The following P2RY12 variants were observed in gnomAD, a reference collection of about 807,000 sequenced individuals.
P2RY12 encodes the protein P2Y purinoceptor 12.
A neutral mutation model predicts 4.5 loss-of-function variants in P2RY12; 3 were observed. That is an observed-to-expected ratio of 0.67 (90% CI 0.31 to 1.74). P2RY12 has a LOEUF of 1.74. Among genes scored for constraint, P2RY12 ranks in the 40% most tolerant of loss-of-function variants. The pLI, the probability that P2RY12 is intolerant of heterozygous loss-of-function variation, is 0.09. For synonymous variants in P2RY12, 148 were observed against 154.1 expected (o/e 0.96, Z 0.29); for missense variants, 356 against 407.8 (o/e 0.87, Z 1.09).
chr3:151,367,255 G>C (rs1755399447), intron 1 of P2RY12, among the ~76,000 whole-genome samples: 1 of 152,156 alleles, frequency 6.6e-6, no homozygotes, highest in African/African-American at 2.4e-5. Flanking sequence ...TTTTCAACTA[G>C]GGGGAGCCTC....
At chr3:151,351,753 C>T (rs1010475658) in intron 1 of P2RY12, among the ~76,000 whole-genome samples, 1 of 152,086 alleles carries the variant, frequency 6.6e-6, no homozygotes, top group Admixed American at 6.5e-5. Flanking sequence ...GAGGGTCTTT[C>T]CAGAGCCTAT....
intron 1 of P2RY12, chr3:151,360,714 T>C (rs1754502032): frequency 9.9e-7 from 1 of 1,013,062 alleles, no homozygotes; most frequent in African/African-American, 1.6e-5. Context: ...TGCAATTGTA[T>C]CTATTAGGCA....
intron 1 of P2RY12, among the ~76,000 whole-genome samples, chr3:151,364,572 G>A (rs1344858853): frequency 1.3e-5 from 2 of 152,122 alleles, no homozygotes; most frequent in South Asian, 2.1e-4. Flanking sequence ...TGTAAGATAT[G>A]TAATTAAGAG....
chr3:151,383,317 G>A (rs139876855), intron 1 of P2RY12, among the ~76,000 whole-genome samples: 473 of 152,292 alleles, frequency 3.1e-3, no homozygotes, highest in African/African-American at 0.011. Flanking sequence ...GTAGGTGTGC[G>A]GGCCAAGCCT....
chr3:151,382,344 T>C (rs775587755), intron 1 of P2RY12, among the ~76,000 whole-genome samples: 5 of 152,128 alleles, frequency 3.3e-5, no homozygotes, highest in African/African-American at 4.8e-5. Context: ...GTAAGATCAA[T>C]GAGGTAATGT....
intron 1 of P2RY12, chr3:151,367,565 C>T: frequency 2.3e-6 from 3 of 1,301,922 alleles, no homozygotes; most frequent in South Asian, 3.2e-5. Flanking sequence ...ATTGGTATTG[C>T]CTGCATTCTC....
At chr3:151,343,594 TA>T (rs2149976195) in intron 1 of P2RY12, among the ~76,000 whole-genome samples, 1 of 152,048 alleles carries the variant, frequency 6.6e-6, no homozygotes, top group South Asian at 2.1e-4. Context: ...GAGCAAGTTA[TA>T]GATACTTTAA....
At chr3:151,369,111 C>T (rs762981470) in intron 1 of P2RY12, among the ~76,000 whole-genome samples, 2 of 152,044 alleles carry the variant, frequency 1.3e-5, no homozygotes, top group African/African-American at 2.4e-5. Flanking sequence ...ATTTTAGGGG[C>T]GTTGGTGAAG....
chr3:151,343,771 A>G (rs966012121), intron 1 of P2RY12, among the ~76,000 whole-genome samples: 1 of 152,024 alleles, frequency 6.6e-6, no homozygotes, highest in Non-Finnish European at 1.5e-5. Context: ...TGTTTATTTT[A>G]CCAAGTCTAC....
intron 2 of P2RY12, among the ~76,000 whole-genome samples, chr3:151,339,481 G>A (rs1211235888): frequency 6.6e-6 from 1 of 150,458 alleles, no homozygotes; most frequent in Non-Finnish European, 1.5e-5. Context: ...AGATATTCCT[G>A]CCTCTATATT....
chr3:151,368,764 T>A (rs1475249426), intron 1 of P2RY12, among the ~76,000 whole-genome samples: 4 of 138,014 alleles, frequency 2.9e-5, no homozygotes, highest in Admixed American at 7.6e-5. Flanking sequence ...CATTTCATTT[T>A]TTTTTTTTTT....
chr3:151,364,264 G>A lies in P2RY12; in HGVS notation c.-180+20428C>T, dbSNP rs189313373. ...GGTTCTAATTCCTGTTATACTTCTA[G>A]TAGTCTATATCTGATTCAGACGTAA... On this transcript the variant is annotated intron_variant, in intron 1 of 2. Transcript: ENST00000302632. Among the ~76,000 whole-genome samples the A allele has an allele frequency of 1.6e-4, 25 of 152,312 alleles. No individual in the cohort carries two copies. The East Asian group carries it at 4.6e-3, about 28-fold the overall frequency.
At chr3:151,355,655 A>G (rs1307733355) in intron 1 of P2RY12, among the ~76,000 whole-genome samples, 2 of 152,206 alleles carry the variant, frequency 1.3e-5, no homozygotes, top group African/African-American at 2.4e-5. Flanking sequence ...TAGTTGTTCT[A>G]CCATTAGAAT....
chr3:151,378,208 T>A (rs145476093), intron 1 of P2RY12: 5 of 1,545,910 alleles, frequency 3.2e-6, no homozygotes, highest in Non-Finnish European at 4.4e-6. Context: ...TGTGAGAGTT[T>A]AAAGAATAAT....
At chr3:151,357,445 G>T in intron 1 of P2RY12, 1 of 1,391,566 alleles carries the variant, frequency 7.2e-7, no homozygotes, top group South Asian at 1.6e-5. Context: ...AAATATTATA[G>T]TGGCTTTAAA....
intron 1 of P2RY12, among the ~76,000 whole-genome samples, chr3:151,369,022 A>C (rs547124354): frequency 5.9e-5 from 9 of 152,140 alleles, no homozygotes; most frequent in African/African-American, 2.2e-4. Context: ...CGGCCTCCCA[A>C]AGTGCTGGGA....
intron 1 of P2RY12, among the ~76,000 whole-genome samples, chr3:151,370,580 C>T (rs1428260968): frequency 1.3e-5 from 2 of 152,088 alleles, no homozygotes; most frequent in East Asian, 1.9e-4. Flanking sequence ...TGAGTGTAGG[C>T]GCTTATAGAT....
chr3:151,367,041 T>C (rs995634852), intron 1 of P2RY12, among the ~76,000 whole-genome samples: 1 of 152,226 alleles, frequency 6.6e-6, no homozygotes, highest in African/African-American at 2.4e-5. Flanking sequence ...GTTTTTCTTA[T>C]TATTTTCTGC....
intron 1 of P2RY12, among the ~76,000 whole-genome samples, chr3:151,347,157 TTA>T (rs1328989301): frequency 1.4e-5 from 2 of 145,434 alleles, no homozygotes; most frequent in Non-Finnish European, 3.1e-5. Context: ...ACAAACTTTT[TTA>T]CTCTAGCTTT....
Sources: allele counts gnomAD v4.1 joint callset (sites outside exome capture counted in the v4.1 genomes callset), GRCh38; gene constraint gnomAD v4.1.1; transcripts MANE v1.5; gene names NCBI Gene and HGNC (gene_info 2026-07-23, HGNC 2026-07-21).